DNAJC1: variants seen among roughly 807,000 people sequenced by gnomAD.
DNAJC1 encodes DnaJ heat shock protein family (Hsp40) member C1.
Under a neutral mutation model 76.6 loss-of-function variants are expected in DNAJC1, and 58 were observed. The ratio of observed to expected loss-of-function variants is 0.76; its 90% CI spans 0.61 to 0.94. The LOEUF (loss-of-function observed/expected upper bound fraction) is 0.94, where lower values mean the gene tolerates loss of function less well. DNAJC1 is among the 40% of genes least tolerant of loss of function. The pLI, the probability that DNAJC1 is intolerant of heterozygous loss-of-function variation, is 0.00. For synonymous variants in DNAJC1, 258 were observed against 267.9 expected (o/e 0.96, Z 0.36); for missense variants, 689 against 677.3 (o/e 1.02, Z -0.19).
intron 8 of DNAJC1, among the ~76,000 whole-genome samples, chr10:21,872,921 G>A (rs1377866737): frequency 1.3e-5 from 2 of 152,184 alleles, no homozygotes; most frequent in African/African-American, 4.8e-5. Context: ...CTAAAAGGCA[G>A]AAATGAAATC....
chr10:21,926,234 G>A (rs989688323), intron 3 of DNAJC1, among the ~76,000 whole-genome samples: 7 of 150,954 alleles, frequency 4.6e-5, no homozygotes, highest in African/African-American at 1.5e-4. Flanking sequence ...TTACAGATGT[G>A]AGCCACTGTA....
chr10:21,782,637 A>T (rs1834547994), intron 9 of DNAJC1, among the ~76,000 whole-genome samples: 1 of 152,244 alleles, frequency 6.6e-6, no homozygotes, highest in Non-Finnish European at 1.5e-5. Flanking sequence ...ATGAACATCG[A>T]TGCAAAAATC....
chr10:21,984,675 T>C (rs1342454819), intron 1 of DNAJC1, among the ~76,000 whole-genome samples: 2 of 152,240 alleles, frequency 1.3e-5, no homozygotes, highest in African/African-American at 2.4e-5. Flanking sequence ...TTTTTTCTTC[T>C]GAAATTTCAG....
intron 1 of DNAJC1, among the ~76,000 whole-genome samples, chr10:21,962,513 T>C (rs1837813854): frequency 7.2e-6 from 1 of 139,324 alleles, no homozygotes; most frequent in Non-Finnish European, 1.5e-5. Context: ...TCACCCAGGC[T>C]GGAGTGCAGT....
intron 8 of DNAJC1, among the ~76,000 whole-genome samples, chr10:21,822,469 T>A (rs1296071056): frequency 8.3e-5 from 12 of 145,310 alleles, no homozygotes; most frequent in East Asian, 8.2e-4. Context: ...AAATGAATAA[T>A]AAAATAAATA....
At chr10:21,965,612 T>A (rs1837877889) in intron 1 of DNAJC1, among the ~76,000 whole-genome samples, 1 of 152,162 alleles carries the variant, frequency 6.6e-6, no homozygotes, top group African/African-American at 2.4e-5. Context: ...TATCCTGATA[T>A]CTGGAGAACA....
chr10:21,782,322 C>T (rs1002862115), intron 9 of DNAJC1, among the ~76,000 whole-genome samples: 11 of 152,036 alleles, frequency 7.2e-5, no homozygotes, highest in Non-Finnish European at 1.5e-4. Context: ...ACACATAAAC[C>T]CTCCCAAGAC....
At chr10:21,774,140 CA>C (rs1285771891) in intron 9 of DNAJC1, among the ~76,000 whole-genome samples, 177 of 55,444 alleles carry the variant, frequency 3.2e-3, no homozygotes, top group East Asian at 0.013. Flanking sequence ...GACTCCGTCT[CA>C]AAAAAAAAAA....
Position 21,869,431 on chromosome 10 carries a change from G to A in DNAJC1, c.978+12851C>T, listed in dbSNP as rs775246347. ...TCTTTGACTTGGAAGCCCCTACTTC[G>A]AAATGTCCTGACATTCTGAGCTAAA... On this transcript the variant is annotated intron_variant, in intron 8 of 11. Coordinates refer to ENST00000376980, the MANE Select transcript of DNAJC1 (RefSeq NM_022365.4). 5.3e-5 allele frequency among the ~76,000 whole-genome samples: 8 copies of A among 152,062 alleles called. No homozygotes were observed. In the East Asian group the frequency reaches 7.7e-4, roughly 15 times the overall value.
At chr10:21,851,598 A>G (rs1835755172) in intron 8 of DNAJC1, among the ~76,000 whole-genome samples, 1 of 152,250 alleles carries the variant, frequency 6.6e-6, no homozygotes, top group South Asian at 2.1e-4. Flanking sequence ...AAAGTTAAAC[A>G]TAAAATTACC....
intron 1 of DNAJC1, among the ~76,000 whole-genome samples, chr10:21,999,494 C>G (rs1368674597): frequency 8.4e-6 from 1 of 118,804 alleles, no homozygotes; most frequent in East Asian, 2.8e-4. Context: ...CTCGCTCTGT[C>G]GCCCAGGCTG....
intron 1 of DNAJC1, among the ~76,000 whole-genome samples, chr10:21,963,380 T>C (rs1358091117): frequency 1.3e-5 from 2 of 152,084 alleles, no homozygotes; most frequent in Admixed American, 6.5e-5. Flanking sequence ...GTAAGGAAAA[T>C]AGAATATACT....
chr10:21,847,670 T>A (rs1212942376), intron 8 of DNAJC1, among the ~76,000 whole-genome samples: 1 of 152,190 alleles, frequency 6.6e-6, no homozygotes, highest in African/African-American at 2.4e-5. Context: ...CTGTCACATA[T>A]GAGTGAGAAC....
At chr10:21,888,273 A>T (rs774671856) in intron 7 of DNAJC1, among the ~76,000 whole-genome samples, 1 of 152,172 alleles carries the variant, frequency 6.6e-6, no homozygotes, top group Non-Finnish European at 1.5e-5. Context: ...GGGAACACCT[A>T]TACACTGTTG....
chr10:21,790,010 TAAAAAAAAAAA>T (rs35639440), intron 9 of DNAJC1, among the ~76,000 whole-genome samples: 2 of 41,062 alleles, frequency 4.9e-5, no homozygotes, highest in Admixed American at 4.1e-4. Flanking sequence ...GCTCTGTCTT[TAAAAAAAAAAA>T]AAAAAAAAAA....
chr10:21,806,884 G>A (rs762620468), intron 8 of DNAJC1, among the ~76,000 whole-genome samples: 5 of 151,992 alleles, frequency 3.3e-5, no homozygotes, highest in Admixed American at 6.6e-5. Flanking sequence ...TTATAAACAC[G>A]CATATGCAAA....
chr10:21,954,324 T>C (rs972733974), intron 1 of DNAJC1, among the ~76,000 whole-genome samples: 6 of 152,178 alleles, frequency 3.9e-5, no homozygotes, highest in Non-Finnish European at 7.4e-5. Flanking sequence ...GTCATAATGA[T>C]ACTTCCCAAA....
chr10:21,827,121 C>A (rs1252904719), intron 8 of DNAJC1, among the ~76,000 whole-genome samples: 2 of 152,088 alleles, frequency 1.3e-5, no homozygotes, highest in East Asian at 1.9e-4. Flanking sequence ...TCTTTAATTT[C>A]TTTCAGCAAT....
intron 7 of DNAJC1, among the ~76,000 whole-genome samples, chr10:21,882,987 C>T (rs759629584): frequency 5.3e-5 from 8 of 152,032 alleles, no homozygotes; most frequent in Non-Finnish European, 8.8e-5. Flanking sequence ...CAGTGGTTCA[C>T]GGCTCTAATC....
Sources: gnomAD v4.1 joint callset for allele counts (sites outside exome capture counted in the v4.1 genomes callset) on GRCh38, gnomAD v4.1.1 for gene constraint, MANE v1.5 for transcripts, NCBI Gene and HGNC (gene_info 2026-07-23, HGNC 2026-07-21) for gene names.